PCDHB1: variants seen among roughly 807,000 people sequenced by gnomAD.
PCDHB1 encodes the protein protocadherin beta-1.
In PCDHB1, 44 loss-of-function variants were observed where a neutral mutation model predicts 43.5. The ratio of observed to expected loss-of-function variants is 1.01; its 90% CI spans 0.79 to 1.30. The LOEUF (loss-of-function observed/expected upper bound fraction) is 1.30. Among genes scored for constraint, PCDHB1 ranks in the 50% most tolerant of loss-of-function variants. PCDHB1 has a pLI of 0.00. For synonymous variants in PCDHB1, 392 were observed against 400.8 expected (o/e 0.98, Z 0.26); for missense variants, 919 against 1,008.9 (o/e 0.91, Z 1.21).
chr5:141,052,479 G>C lies in PCDHB1; in HGVS notation c.1009G>C (p.Val337Leu). The C allele has an allele frequency of 6.2e-7, 1 of 1,614,216 alleles. No individual in the cohort carries two copies. The highest frequency in any genetic ancestry group is 8.5e-7 in the Non-Finnish European group (1 of 1,180,034). The stretch of plus-strand genomic sequence containing the variant: ...TGCCCACAGCAAAGTCCTGGTAGAA[G>C]TGGTGGATGTGAATGACAATCCTCC... Reference protein sequence around the residue: ...LSAHSKVLVEVVDVNDNPPEV... With the variant: ...LSAHSKVLVELVDVNDNPPEV... Residue 337 changes from valine to leucine, a missense_variant, in exon 1 of 1, where the codon GTG becomes CTG. Coordinates refer to ENST00000306549, the MANE Select transcript of PCDHB1 (RefSeq NM_013340.4).
rs1563791964 is a variant in PCDHB1 at position 141,052,435 on chromosome 5, C to T, written c.965C>T (p.Thr322Ile). The T allele has an allele frequency of 6.2e-7, 1 of 1,614,202 alleles. No individual in the cohort carries two copies. The highest frequency in any genetic ancestry group is 1.1e-5 in the South Asian group (1 of 91,082). The change falls in exon 1 of 1, where the codon ACA becomes ATA. Residue 322 changes from threonine to isoleucine, a missense_variant. Coordinates refer to ENST00000306549, the MANE Select transcript of PCDHB1 (RefSeq NM_013340.4). ...ACATACGACATTGACATTCAAGCTACAGATGGTGGAGGCCTCTCTGCCCAC... is the reference window on the plus strand; with the variant it reads ...ACATACGACATTGACATTCAAGCTATAGATGGTGGAGGCCTCTCTGCCCAC... ...IETYDIDIQA[T>I]DGGGLSAHSK...
rs138500217 is a variant in PCDHB1 at position 141,053,819 on chromosome 5, C to T, written c.2349C>T (p.Ala783=). The change falls in exon 1 of 1, where the codon GCC becomes GCT. Residue 783 remains alanine (A), a synonymous_variant. Transcript: ENST00000306549. The part of the protein sequence containing the change: ...RFMPNFPFPH[A]TGEIKMEAGS... ...TGCCCAACTTCCCTTTCCCTCATGCCACTGGGGAGATAAAAATGGAGGCTG... is the reference window on the plus strand; with the variant it reads ...TGCCCAACTTCCCTTTCCCTCATGCTACTGGGGAGATAAAAATGGAGGCTG... 482 of 1,614,102 alleles carry T rather than the reference C, an allele frequency of 3.0e-4. 1 individual carries two copies. The African/African-American group carries it at 5.6e-3, about 19-fold the overall frequency.
Position 141,052,756 on chromosome 5 carries a change from C to A in PCDHB1, c.1286C>A (p.Pro429Gln). Residue 429 changes from proline to glutamine, a missense_variant, in exon 1 of 1, where the codon CCA becomes CAA. Pro to Gln is a moderately conservative substitution (Grantham distance 76). Transcript: ENST00000306549. ...NITIVAMDTG[P>Q]PSLSAETMIE... Reference sequence around the variant, plus strand: ...ACCATTGTTGCCATGGATACTGGACCACCTAGCTTGTCTGCCGAGACTATG... The same window carrying A: ...ACCATTGTTGCCATGGATACTGGACAACCTAGCTTGTCTGCCGAGACTATG... The A allele has an allele frequency of 6.2e-7, 1 of 1,614,110 alleles. No individual in the cohort carries two copies. The highest frequency in any genetic ancestry group is 1.1e-5 in the South Asian group (1 of 91,074).
Position 141,053,205 on chromosome 5 carries a change from A to G in PCDHB1, c.1735A>G (p.Arg579Gly). 6.2e-7 allele frequency: 1 copy of G among 1,614,214 alleles called. No individual in the cohort carries two copies. Among genetic ancestry groups the G allele is most frequent in the Non-Finnish European group, 8.5e-7 (1 of 1,180,026 alleles). The change falls in exon 1 of 1, where the codon AGG becomes GGG. Residue 579 changes from arginine (R) to glycine (G), a missense_variant. By Grantham distance (125) the Arg-to-Gly change is moderately radical (BLOSUM62 -2). Transcript: ENST00000306549. ...CTTGCCCTGCAATGACCTGGTGCCCAGGTCTGCAGAGGCAGGCTACCTAGT... is the reference window on the plus strand; with the variant it reads ...CTTGCCCTGCAATGACCTGGTGCCCGGGTCTGCAGAGGCAGGCTACCTAGT... ...GTLPCNDLVP[R>G]SAEAGYLVTK...
chr5:141,054,360 T>C lies in PCDHB1; in HGVS notation c.*433T>C, dbSNP rs1057416249. ...TTATTTTCCAGTAGAAAGTTATGCA[T>C]GCATAGGGAAGAGAACTACCTTCCC... On this transcript the variant is annotated 3_prime_UTR_variant, in exon 1 of 1. Coordinates refer to ENST00000306549, the MANE Select transcript of PCDHB1 (RefSeq NM_013340.4). 6.2e-6 allele frequency: 1 copy of C among 161,200 alleles called. No homozygotes were observed. The highest frequency in any genetic ancestry group is 1.4e-5 in the Non-Finnish European group (1 of 72,938). 10.0% of individuals were successfully genotyped at this position (161,200 alleles called of 1,614,324 possible).
chr5:141,052,323 C>T lies in PCDHB1; in HGVS notation c.853C>T (p.Pro285Ser), dbSNP rs868983957. 1.2e-6 allele frequency: 2 copies of T among 1,614,196 alleles called. No homozygotes were observed. Among genetic ancestry groups the T allele is most frequent in the Non-Finnish European group, 1.7e-6 (2 of 1,180,036 alleles). The change falls in exon 1 of 1, where the codon CCA (proline) becomes TCA (serine). Residue 285 changes from proline to serine, a missense_variant. Transcript: ENST00000306549. ...KAITYSLAQN[P>S]EAILKTFQID... Reference sequence around the variant, plus strand: ...GATAACTTACTCTTTAGCTCAAAACCCAGAAGCAATTCTCAAGACGTTTCA... The same window carrying T: ...GATAACTTACTCTTTAGCTCAAAACTCAGAAGCAATTCTCAAGACGTTTCA...
rs545875760 is a variant in PCDHB1 at position 141,058,439 on chromosome 5, G to A, written c.*4512G>A. On this transcript the variant is annotated 3_prime_UTR_variant, in exon 1 of 1. Transcript: ENST00000306549. ...TATTGTATCCTTTTCAGTGCATCACGTCAGCAGGTATGTGATGCCAATGTC... is the reference window on the plus strand; with the variant it reads ...TATTGTATCCTTTTCAGTGCATCACATCAGCAGGTATGTGATGCCAATGTC... 6 of 152,252 alleles carry A rather than the reference G, an allele frequency of 3.9e-5. No individual in the cohort carries two copies. The highest frequency in any genetic ancestry group is 2.1e-4 in the South Asian group (1 of 4,822). 9.4% of individuals were successfully genotyped at this position (152,252 alleles called of 1,614,324 possible).
Position 141,053,301 on chromosome 5 carries a change from A to T in PCDHB1, c.1831A>T (p.Thr611Ser). 1.9e-6 allele frequency: 3 copies of T among 1,614,236 alleles called. No homozygotes were observed. The highest frequency in any genetic ancestry group is 2.5e-6 in the Non-Finnish European group (3 of 1,180,042). The change falls in exon 1 of 1, where the codon ACT becomes TCT. Residue 611 changes from threonine to serine, a missense_variant. Coordinates refer to ENST00000306549, the MANE Select transcript of PCDHB1 (RefSeq NM_013340.4). ...SWLSYHLLKA[T>S]DLGLFSVQRQ... ...GCTTTCATATCATCTACTTAAGGCC[A>T]CTGACCTTGGGTTATTTTCTGTTCA...
rs1750986502 is a variant in PCDHB1 at position 141,051,980 on chromosome 5, C to T, written c.510C>T (p.Tyr170=). The T allele has an allele frequency of 6.2e-7, 1 of 1,614,094 alleles. No individual in the cohort carries two copies. The highest frequency in any genetic ancestry group is 8.5e-7 in the Non-Finnish European group (1 of 1,180,064). The change falls in exon 1 of 1, where the codon TAC becomes TAT. Residue 170 remains tyrosine, a synonymous_variant. Transcript: ENST00000306549. ...TGGGCCTTAACGGTCTCCAGAACTACACCCTGAGTGCCAATGGGTATTTCC... is the reference window on the plus strand; with the variant it reads ...TGGGCCTTAACGGTCTCCAGAACTATACCCTGAGTGCCAATGGGTATTTCC... ...LDVGLNGLQN[Y]TLSANGYFHL...
rs1554267710 is a variant in PCDHB1 at position 141,054,931 on chromosome 5, G to C, written c.*1004G>C. 6.6e-6 allele frequency: 1 copy of C among 152,016 alleles called. No homozygotes were observed. Among genetic ancestry groups the C allele is most frequent in the Non-Finnish European group, 1.5e-5 (1 of 68,040 alleles). The allele number at this position is 152,016 out of a possible 1,614,324, so 9.4% of individuals were successfully genotyped here. A position where few individuals can be genotyped will look rare whatever the true frequency, so the allele number is the denominator to read the frequency against. ...GGCTGGTCATGAACTTCTGACCTCA[G>C]GTGATCCACCAGCCTCGGAAACCCA... On this transcript the variant is annotated 3_prime_UTR_variant, in exon 1 of 1. Transcript: ENST00000306549.
In PCDHB1 at chr5:141,054,210, T is replaced by A; in HGVS notation, c.*283T>A. The A allele has an allele frequency of 3.2e-6, 1 of 312,580 alleles. No individual in the cohort carries two copies. Among genetic ancestry groups the A allele is most frequent in the South Asian group, 8.5e-5 (1 of 11,798 alleles). The allele number at this position is 312,580 out of a possible 1,614,324, so 19.4% of individuals were successfully genotyped here. A position where few individuals can be genotyped will look rare whatever the true frequency, so the allele number is the denominator to read the frequency against. The stretch of plus-strand genomic sequence containing the variant: ...TAAATGCATATGTGGTAGGAACTTC[T>A]GCTTTTCCATCTCTGTGCTAGCAAG... On this transcript the variant is annotated 3_prime_UTR_variant, in exon 1 of 1. Coordinates refer to ENST00000306549, the MANE Select transcript of PCDHB1 (RefSeq NM_013340.4).
In PCDHB1 at chr5:141,054,563, G is replaced by C. The variant is rs1174867742; in HGVS notation, c.*636G>C. 1 of 152,098 alleles carries C rather than the reference G, an allele frequency of 6.6e-6. No individual in the cohort carries two copies. The allele number at this position is 152,098 out of a possible 1,614,324, so 9.4% of individuals were successfully genotyped here. A position where few individuals can be genotyped will look rare whatever the true frequency, so the allele number is the denominator to read the frequency against. On this transcript the variant is annotated 3_prime_UTR_variant, in exon 1 of 1. Coordinates refer to ENST00000306549, the MANE Select transcript of PCDHB1 (RefSeq NM_013340.4). ...AATGGTGATCTTCACAAATAATCAT[G>C]GTGGGAGGAAGGGTGGAGAAAGAAA...
rs1751021985 is a variant in PCDHB1 at position 141,052,786 on chromosome 5, A to C, written c.1316A>C (p.Glu439Ala). ...PPSLSAETMI[E>A]VLISDVNDNP... Reference sequence around the variant, plus strand: ...AGCTTGTCTGCCGAGACTATGATAGAGGTGCTAATATCCGACGTTAATGAC... The same window carrying C: ...AGCTTGTCTGCCGAGACTATGATAGCGGTGCTAATATCCGACGTTAATGAC... Residue 439 changes from glutamate to alanine, a missense_variant, in exon 1 of 1, where the codon GAG (glutamate) becomes GCG (alanine). Transcript: ENST00000306549. 6.2e-7 allele frequency: 1 copy of C among 1,614,048 alleles called. No homozygotes were observed. The highest frequency in any genetic ancestry group is 1.7e-5 in the Admixed American group (1 of 59,998).
In PCDHB1 at chr5:141,052,537, T is replaced by C. The variant is rs781859000; in HGVS notation, c.1067T>C (p.Leu356Pro). Reference sequence around the variant, plus strand: ...ATGGTCTCCTCTGTGTCCAGCCCACTCCCTGAAGACTCACCACCACAGACA... The same window carrying C: ...ATGGTCTCCTCTGTGTCCAGCCCACCCCCTGAAGACTCACCACCACAGACA... ...EVMVSSVSSP[L>P]PEDSPPQTVV... Residue 356 changes from leucine to proline, a missense_variant, in exon 1 of 1, where the codon CTC becomes CCC. Leu to Pro is a moderately conservative substitution (Grantham distance 98). Coordinates refer to ENST00000306549, the MANE Select transcript of PCDHB1 (RefSeq NM_013340.4). 8 of 1,614,028 alleles carry C rather than the reference T, an allele frequency of 5.0e-6. No homozygotes were observed. The highest frequency in any genetic ancestry group is 1.3e-5 in the African/African-American group (1 of 74,906).
rs1751129491 is a variant in PCDHB1 at position 141,056,132 on chromosome 5, A to T, written c.*2205A>T. 6.6e-6 allele frequency: 1 copy of T among 152,226 alleles called. No individual in the cohort carries two copies. The highest frequency in any genetic ancestry group is 1.5e-5 in the Non-Finnish European group (1 of 68,036). The allele number at this position is 152,226 out of a possible 1,614,324, so 9.4% of individuals were successfully genotyped here. On this transcript the variant is annotated 3_prime_UTR_variant, in exon 1 of 1. Transcript: ENST00000306549. Reference sequence around the variant, plus strand: ...CCTTATTTTATAAAAATGTGTGTAAATTCAGACTCACTAGAATACATCCTC... The same window carrying T: ...CCTTATTTTATAAAAATGTGTGTAATTTCAGACTCACTAGAATACATCCTC...
rs1751107318 is a variant in PCDHB1, at chr5:141,055,161, T to C, written c.*1234T>C. The C allele has an allele frequency of 1.3e-5, 2 of 152,222 alleles. No homozygotes were observed. Among genetic ancestry groups the C allele is most frequent in the South Asian group, 2.1e-4 (1 of 4,830 alleles). The allele number at this position is 152,222 out of a possible 1,614,324, so 9.4% of individuals were successfully genotyped here. On this transcript the variant is annotated 3_prime_UTR_variant, in exon 1 of 1. Coordinates refer to ENST00000306549, the MANE Select transcript of PCDHB1 (RefSeq NM_013340.4). ...TATGACGGCTGGGCACCGTGGCTCA[T>C]GGCTGTAATCTCAGCACTCTGGGAG...
In PCDHB1 at chr5:141,051,883, C is replaced by G; in HGVS notation, c.413C>G (p.Pro138Arg). 1 of 1,614,158 alleles carries G rather than the reference C, an allele frequency of 6.2e-7. No individual in the cohort carries two copies. Among genetic ancestry groups the G allele is most frequent in the African/African-American group, 1.3e-5 (1 of 75,044 alleles). Residue 138 changes from proline (P) to arginine (R), a missense_variant, in exon 1 of 1, where the codon CCG becomes CGG. Transcript: ENST00000306549. ...GCCCCAGTTTTCCTAAACAAGGAGC[C>G]GCTTTTAAAGATTCCGGAGAGCACC... Reference protein sequence around the residue: ...DNAPVFLNKEPLLKIPESTPL... With the variant: ...DNAPVFLNKERLLKIPESTPL...
Position 141,051,877 on chromosome 5 carries a change from A to G in PCDHB1, c.407A>G (p.Lys136Arg), listed in dbSNP as rs1339165625. ...INDNAPVFLN[K>R]EPLLKIPEST... ...GACAATGCCCCAGTTTTCCTAAACA[A>G]GGAGCCGCTTTTAAAGATTCCGGAG... Residue 136 changes from lysine (K) to arginine (R), a missense_variant, in exon 1 of 1, where the codon AAG (lysine) becomes AGG (arginine). Lys to Arg is a conservative substitution (Grantham distance 26). Coordinates refer to ENST00000306549, the MANE Select transcript of PCDHB1 (RefSeq NM_013340.4). 2 of 1,614,084 alleles carry G rather than the reference A, an allele frequency of 1.2e-6. No individual in the cohort carries two copies. The highest frequency in any genetic ancestry group is 3.3e-5 in the Admixed American group (2 of 60,008).
rs1307329056 is a variant in PCDHB1 at position 141,057,548 on chromosome 5, A to G, written c.*3621A>G. On this transcript the variant is annotated 3_prime_UTR_variant, in exon 1 of 1. Coordinates refer to ENST00000306549, the MANE Select transcript of PCDHB1 (RefSeq NM_013340.4). ...AAAGCAAGACTCTGTCTCAAAAAAA[A>G]AAAAAAAAAAGAAAAAAAGAAAAAA... The G allele has an allele frequency of 6.6e-6, 1 of 150,998 alleles. No homozygotes were observed. Among genetic ancestry groups the G allele is most frequent in the Non-Finnish European group, 1.5e-5 (1 of 67,762 alleles). 9.4% of individuals were successfully genotyped at this position (150,998 alleles called of 1,614,324 possible).
Sources: gnomAD v4.1 joint callset for allele counts on GRCh38, gnomAD v4.1.1 for gene constraint, MANE v1.5 for transcripts, NCBI Gene and HGNC (gene_info 2026-07-23, HGNC 2026-07-21) for gene names.